Variants in UBE2E2 observed in about 807,000 individuals in gnomAD.
The protein encoded by UBE2E2 is ubiquitin-conjugating enzyme E2 E2.
In UBE2E2, 6 loss-of-function variants were observed where a neutral mutation model predicts 24.7. The ratio of observed to expected loss-of-function variants is 0.24; its 90% confidence interval spans 0.13 to 0.48. The LOEUF (loss-of-function observed/expected upper bound fraction) is 0.48, where lower values mean the gene tolerates loss of function less well. Ranked by LOEUF, UBE2E2 falls within the 20% of genes least tolerant of loss-of-function variation. The pLI is 0.99. For missense variants in UBE2E2, 169 were observed against 245.0 expected (o/e 0.69, Z 2.07); for synonymous variants, 104 against 83.6 (o/e 1.24, Z -1.33).
intron 3 of UBE2E2, among the ~76,000 whole-genome samples, chr3:23,234,404 A>G (rs1048165390): frequency 1.3e-5 from 2 of 152,122 alleles, no homozygotes; most frequent in African/African-American, 2.4e-5. Flanking sequence ...ATTGATGTTC[A>G]GTTGGACACA....
At chr3:23,476,689 A>G (rs1699146388) in intron 3 of UBE2E2, among the ~76,000 whole-genome samples, 1 of 152,168 alleles carries the variant, frequency 6.6e-6, no homozygotes, top group Admixed American at 6.5e-5. Context: ...CCCTGTCTCA[A>G]AAAAGAAAAA....
chr3:23,303,531 T>G (rs958080859), intron 3 of UBE2E2, among the ~76,000 whole-genome samples: 3 of 152,176 alleles, frequency 2.0e-5, no homozygotes, highest in Non-Finnish European at 4.4e-5. Context: ...GGTATAAATT[T>G]TCCATGTTTA....
rs1368424880 is a variant in UBE2E2 at position 23,589,137 on chromosome 3, G to A, written c.509-597G>A. ...CATTTTCTCCGTGAAATATCTACTT[G>A]AAGACAGGCATCTCACACCTGTAAT... On this transcript the variant is annotated intron_variant, in intron 5 of 5. Coordinates refer to ENST00000396703, the MANE Select transcript of UBE2E2 (RefSeq NM_152653.4). This position sits in a 1 kb window ranked among gnomAD's most constrained non-coding sequence, Gnocchi z 4.1. Among the ~76,000 whole-genome samples, 1 of 152,044 alleles carries A rather than the reference G, an allele frequency of 6.6e-6. No individual in the cohort carries two copies. The highest frequency in any genetic ancestry group is 1.5e-5 in the Non-Finnish European group (1 of 68,002).
intron 5 of UBE2E2, among the ~76,000 whole-genome samples, chr3:23,568,375 TAAA>T (rs1393530574): frequency 1.3e-5 from 2 of 152,186 alleles, no homozygotes; most frequent in South Asian, 2.1e-4. Context: ...GATTATGGAA[TAAA>T]AATTTTTTTG....
intron 3 of UBE2E2, among the ~76,000 whole-genome samples, chr3:23,303,281 A>G (rs1218574034): frequency 6.6e-6 from 1 of 152,098 alleles, no homozygotes; most frequent in Non-Finnish European, 1.5e-5. Flanking sequence ...TTGTATAATT[A>G]TTTCATTATA....
At chr3:23,512,514 C>T (rs547287763) in intron 4 of UBE2E2, among the ~76,000 whole-genome samples, 5 of 139,402 alleles carry the variant, frequency 3.6e-5, no homozygotes, top group Non-Finnish European at 6.2e-5. Flanking sequence ...GCTAGTATTA[C>T]GGGCATGAGC....
intron 5 of UBE2E2, among the ~76,000 whole-genome samples, chr3:23,540,456 G>A (rs905204617): frequency 6.6e-6 from 1 of 152,048 alleles, no homozygotes; most frequent in Admixed American, 6.6e-5. Flanking sequence ...CCAGGCTGCA[G>A]TGCAATGGTG....
At chr3:23,388,842 T>TA (rs34760619) in intron 3 of UBE2E2, among the ~76,000 whole-genome samples, 3 of 151,722 alleles carry the variant, frequency 2.0e-5, no homozygotes, top group African/African-American at 7.2e-5. Flanking sequence ...CCGTCTCTAC[T>TA]AAAAATACAA....
chr3:23,576,328 G>A (rs1005948053), intron 5 of UBE2E2, among the ~76,000 whole-genome samples: 1 of 152,078 alleles, frequency 6.6e-6, no homozygotes, highest in African/African-American at 2.4e-5. Flanking sequence ...AAGATACAGT[G>A]GAACTGCCGG....
At chr3:23,531,020 A>G (rs557867535) in intron 4 of UBE2E2, among the ~76,000 whole-genome samples, 1 of 152,308 alleles carries the variant, frequency 6.6e-6, no homozygotes, top group Admixed American at 6.5e-5. Flanking sequence ...ATTTCTAGGC[A>G]TTTAAGATGT....
chr3:23,306,630 T>C (rs1699244117), intron 3 of UBE2E2, among the ~76,000 whole-genome samples: 1 of 152,224 alleles, frequency 6.6e-6, no homozygotes, highest in African/African-American at 2.4e-5. Flanking sequence ...CACTGATTGA[T>C]GATTTATGGC....
intron 3 of UBE2E2, among the ~76,000 whole-genome samples, chr3:23,326,826 C>T (rs976626864): frequency 1.3e-5 from 2 of 152,130 alleles, no homozygotes; most frequent in Non-Finnish European, 2.9e-5. Flanking sequence ...CTCCCCACTC[C>T]CCCCACCCCA....
chr3:23,512,915 C>T (rs962721454), intron 4 of UBE2E2, among the ~76,000 whole-genome samples: 1 of 150,094 alleles, frequency 6.7e-6, no homozygotes, highest in African/African-American at 2.4e-5. Flanking sequence ...AGAGCAGGAC[C>T]TTGACCATAC....
At chr3:23,491,237 C>A (rs1234624590) in intron 3 of UBE2E2, among the ~76,000 whole-genome samples, 1 of 152,188 alleles carries the variant, frequency 6.6e-6, no homozygotes, top group Non-Finnish European at 1.5e-5. Flanking sequence ...ATTTGTCCTC[C>A]TCTCAGACAC....
intron 4 of UBE2E2, among the ~76,000 whole-genome samples, chr3:23,506,140 C>T (rs985577196): frequency 6.6e-6 from 1 of 152,318 alleles, no homozygotes; most frequent in Non-Finnish European, 1.5e-5. Context: ...CATTCATTTA[C>T]TCCAGCCTTG....
At chr3:23,496,175 C>T (rs1268708008) in intron 3 of UBE2E2, among the ~76,000 whole-genome samples, 1 of 152,072 alleles carries the variant, frequency 6.6e-6, no homozygotes, top group Non-Finnish European at 1.5e-5. Flanking sequence ...TTTATTTATA[C>T]AGTAGGATCA....
At chr3:23,302,452 G>A (rs1035676413) in intron 3 of UBE2E2, among the ~76,000 whole-genome samples, 5 of 151,980 alleles carry the variant, frequency 3.3e-5, no homozygotes, top group Non-Finnish European at 4.4e-5. Context: ...CAAAAACACC[G>A]CACATTCTTA....
At chr3:23,244,792 G>A (rs1342077193) in intron 3 of UBE2E2, among the ~76,000 whole-genome samples, 1 of 152,076 alleles carries the variant, frequency 6.6e-6, no homozygotes, top group Non-Finnish European at 1.5e-5. Flanking sequence ...GAAATGTTTT[G>A]TATACTTTGG....
chr3:23,311,019 C>T (rs1358047071), intron 3 of UBE2E2, among the ~76,000 whole-genome samples: 1 of 152,130 alleles, frequency 6.6e-6, no homozygotes, highest in Non-Finnish European at 1.5e-5. Flanking sequence ...GCCGCCACCC[C>T]ACGATGGGCC....
Sources: gnomAD v4.1 joint callset for allele counts (sites outside exome capture counted in the v4.1 genomes callset) on GRCh38, gnomAD v4.1.1 for gene constraint, Gnocchi (gnomAD v3.1) non-coding constraint, MANE v1.5 for transcripts, NCBI Gene and HGNC (gene_info 2026-07-23, HGNC 2026-07-21) for gene names.